Variants in DNAJC11 observed in about 807,000 individuals in gnomAD.
DNAJC11 encodes dnaJ homolog subfamily C member 11.
A neutral mutation model predicts 78.6 loss-of-function variants in DNAJC11; 15 were observed. That is an observed-to-expected ratio of 0.19 (90% CI 0.13 to 0.29). DNAJC11 has a LOEUF of 0.29. DNAJC11 is among the 10% of genes least tolerant of loss of function. The pLI, the probability that DNAJC11 is intolerant of heterozygous loss-of-function variation, is 1.00. For synonymous variants in DNAJC11, 292 were observed against 272.1 expected (o/e 1.07, Z -0.72); for missense variants, 547 against 709.6 (o/e 0.77, Z 2.60).
intron 3 of DNAJC11, among the ~76,000 whole-genome samples, chr1:6,671,328 C>T (rs904758550): frequency 2.4e-4 from 36 of 152,282 alleles, no homozygotes; most frequent in African/African-American, 6.5e-4. Flanking sequence ...CTGCAAGCTC[C>T]GCCTCCCGGG....
At position 6,637,438 on chromosome 1, in the gene DNAJC11, T is replaced by C. The variant is rs780928418; in HGVS notation, c.1381+9A>G. 1.2e-6 allele frequency: 2 copies of C among 1,614,232 alleles called. No homozygotes were observed. Among genetic ancestry groups the C allele is most frequent in the Non-Finnish European group, 1.7e-6 (2 of 1,180,036 alleles). On this transcript the variant is annotated intron_variant, in intron 13 of 15. Transcript: ENST00000377577. ...CCACCCTGGACCAAGAGAGGACACA[T>C]GTTCTCACCCATTCTGGACTCTTCT...
intron 11 of DNAJC11, 100 bp from the exon 12 acceptor site, chr1:6,638,464 T>A (rs1216636353): frequency 8.9e-7 from 1 of 1,124,144 alleles, no homozygotes; most frequent in African/African-American, 1.6e-5. Context: ...GCAAACAGTC[T>A]GTGATCTTAC....
chr1:6,649,421 G>A (rs899392498), intron 7 of DNAJC11, among the ~76,000 whole-genome samples: 71 of 151,996 alleles, frequency 4.7e-4, no homozygotes, highest in African/African-American at 1.6e-3. Flanking sequence ...CACCCGCCTC[G>A]GCCTCCTAAA....
chr1:6,695,211 G>A (rs1470086176), intron 1 of DNAJC11, among the ~76,000 whole-genome samples: 1 of 151,346 alleles, frequency 6.6e-6, no homozygotes, highest in Non-Finnish European at 1.5e-5. Flanking sequence ...TGCCAACCCA[G>A]GCTGGTCTCA....
rs893143927 is a variant in DNAJC11, at chr1:6,645,703, G to A, written c.894+86C>T. ...GCTTAGACTTAGTGGTGATCAGGAC[G>A]CAGGATTTAAGGGGAGCACTGAGTG... On this transcript the variant is annotated intron_variant, in intron 8 of 15. Coordinates refer to ENST00000377577, the MANE Select transcript of DNAJC11 (RefSeq NM_018198.4). This position sits in a 1 kb window ranked among gnomAD's most constrained non-coding sequence, Gnocchi z 4.1. 56 of 1,471,926 alleles carry A rather than the reference G, an allele frequency of 3.8e-5. No individual in the cohort carries two copies. The highest frequency in any genetic ancestry group is 5.0e-5 in the Non-Finnish European group (53 of 1,068,268). 91.2% of individuals were successfully genotyped at this position (1,471,926 alleles called of 1,614,324 possible). A position where few individuals can be genotyped will look rare whatever the true frequency, so the allele number is the denominator to read the frequency against.
intron 4 of DNAJC11, among the ~76,000 whole-genome samples, chr1:6,655,855 G>T (rs1208482530): frequency 2.6e-5 from 4 of 151,684 alleles, no homozygotes; most frequent in African/African-American, 9.7e-5. Flanking sequence ...TGTAATCCCA[G>T]CACTTTGGGA....
chr1:6,638,180 G>A, intron 12 of DNAJC11, 115 bp downstream of exon 12: 1 of 1,019,910 alleles, frequency 9.8e-7, no homozygotes. Flanking sequence ...AGACTAAGTG[G>A]AGAGCCAAGT....
chr1:6,644,934 C>A, intron 9 of DNAJC11, 107 bp downstream of exon 9: 1 of 1,091,292 alleles, frequency 9.2e-7, no homozygotes, highest in South Asian at 1.3e-5. Context: ...AAATGTCACA[C>A]ACACGTAGAT....
Position 6,635,631 on chromosome 1 carries a change from G to A in DNAJC11, c.*44C>T. 6.2e-7 allele frequency: 1 copy of A among 1,610,172 alleles called. No individual in the cohort carries two copies. The highest frequency in any genetic ancestry group is 8.5e-7 in the Non-Finnish European group (1 of 1,177,508). ...CATTTCCAAATTTGTAGACTCCCAG[G>A]AAAAGATTTTTTGCGGCCTTTTAAA... On this transcript the variant is annotated 3_prime_UTR_variant, in exon 16 of 16. Coordinates refer to ENST00000377577, the MANE Select transcript of DNAJC11 (RefSeq NM_018198.4).
At position 6,652,691 on chromosome 1, in the gene DNAJC11, T is replaced by C. The variant is rs1570276967; in HGVS notation, c.630+138A>G. The C allele has an allele frequency of 1.5e-5, 18 of 1,174,902 alleles. No homozygotes were observed. In the South Asian group the frequency reaches 2.3e-4, roughly 15 times the overall value. 72.8% of individuals were successfully genotyped at this position (1,174,902 alleles called of 1,614,324 possible). A position where few individuals can be genotyped will look rare whatever the true frequency, so the allele number is the denominator to read the frequency against. On this transcript the variant is annotated intron_variant, in intron 6 of 15. Coordinates refer to ENST00000377577, the MANE Select transcript of DNAJC11 (RefSeq NM_018198.4). ...TTTTCTTTTAGGACCAGTCAACTTA[T>C]GGAAGCTTGACACTTGGTACCGTTC...
At chr1:6,638,238 G>C (rs955078457) in intron 12 of DNAJC11, 57 bp downstream of exon 12, 2 of 1,544,302 alleles carry the variant, frequency 1.3e-6, no homozygotes, top group Non-Finnish European at 1.8e-6. Context: ...ACCAACATGT[G>C]GGGTGTGGAG....
At position 6,661,761 on chromosome 1, in the gene DNAJC11, A is replaced by G. The variant is rs115820194; in HGVS notation, c.378+5948T>C. On this transcript the variant is annotated intron_variant, in intron 4 of 15. Transcript: ENST00000377577. ...TCAGCCAAGTCCAGGCAGTTTCATG[A>G]CATCAGAATCACTTCTGCAGAACAG... is the stretch of plus-strand genomic sequence containing the variant. 2.5e-3 allele frequency among the ~76,000 whole-genome samples: 379 copies of G among 152,308 alleles called. 1 individual carries two copies. The highest frequency in any genetic ancestry group is 8.8e-3 in the African/African-American group (364 of 41,566).
chr1:6,700,326 C>G (rs909313496), intron 1 of DNAJC11, among the ~76,000 whole-genome samples: 1 of 152,224 alleles, frequency 6.6e-6, no homozygotes, highest in African/African-American at 2.4e-5. Flanking sequence ...TTTTCGGACT[C>G]AGCCCATACG....
At chr1:6,682,247 C>T (rs1408168685) in intron 1 of DNAJC11, among the ~76,000 whole-genome samples, 1 of 150,502 alleles carries the variant, frequency 6.6e-6, no homozygotes, top group Non-Finnish European at 1.5e-5. Context: ...GACTAATGAG[C>T]TTCTTCACCA....
At chr1:6,685,452 A>G (rs558842799) in intron 1 of DNAJC11, among the ~76,000 whole-genome samples, 5 of 152,336 alleles carry the variant, frequency 3.3e-5, no homozygotes, top group Admixed American at 2.0e-4. Context: ...TTCAAGATGG[A>G]TCCTGACATA....
rs371340464 is a variant in DNAJC11, at chr1:6,635,898, C to T, written c.1655-198G>A. On this transcript the variant is annotated intron_variant, in intron 15 of 15. Coordinates refer to ENST00000377577, the MANE Select transcript of DNAJC11 (RefSeq NM_018198.4). The stretch of plus-strand genomic sequence containing the variant: ...CCGCCACTCAAGCCGCAGTTTCCAA[C>T]GCGCTCACTCTAATTCTACCTGTGA... Among the ~76,000 whole-genome samples the T allele has an allele frequency of 5.1e-4, 77 of 152,342 alleles. No homozygotes were observed. In the East Asian group the frequency reaches 9.6e-3, roughly 19 times the overall value.
intron 10 of DNAJC11, 65 bp from the exon 11 acceptor site, chr1:6,640,122 A>G: frequency 6.7e-7 from 1 of 1,485,956 alleles, no homozygotes; most frequent in Non-Finnish European, 8.9e-7. Flanking sequence ...AGGGAAGGGC[A>G]ATGGGGTGTC....
At chr1:6,648,049 G>C (rs1392380704) in intron 7 of DNAJC11, among the ~76,000 whole-genome samples, 2 of 152,164 alleles carry the variant, frequency 1.3e-5, no homozygotes, top group Non-Finnish European at 2.9e-5. Flanking sequence ...ACGGCCAAAA[G>C]ATTTTGCTTA....
chr1:6,672,784 G>A (rs1642400413), intron 3 of DNAJC11, among the ~76,000 whole-genome samples: 1 of 152,176 alleles, frequency 6.6e-6, no homozygotes, highest in African/African-American at 2.4e-5. Flanking sequence ...ACAGACAGAG[G>A]CATCTGGGAA....
Sources: gnomAD v4.1 joint callset for allele counts (sites outside exome capture counted in the v4.1 genomes callset) on GRCh38, gnomAD v4.1.1 for gene constraint, Gnocchi (gnomAD v3.1) non-coding constraint, MANE v1.5 for transcripts, NCBI Gene and HGNC (gene_info 2026-07-23, HGNC 2026-07-21) for gene names.